The following NRG3 variants were observed in gnomAD, a reference collection of about 807,000 sequenced individuals.
NRG3 encodes the protein pro-neuregulin-3, membrane-bound isoform.
In NRG3, 31 loss-of-function variants were observed where a neutral mutation model predicts 66.9. The observed-to-expected ratio is 0.46, with a 90% confidence interval of 0.35 to 0.63. NRG3 has a LOEUF of 0.63. Ranked by LOEUF, NRG3 falls within the 20% of genes least tolerant of loss-of-function variation. The pLI is 0.00. For missense variants in NRG3, 910 were observed against 878.9 expected (o/e 1.04, Z -0.45); for synonymous variants, 393 against 359.4 (o/e 1.09, Z -1.06).
At chr10:82,006,696 C>T (rs1443402982) in intron 1 of NRG3, among the ~76,000 whole-genome samples, 2 of 151,922 alleles carry the variant, frequency 1.3e-5, no homozygotes, top group African/African-American at 4.8e-5. Context: ...ATTGGATAGT[C>T]TATCTTTTGC....
At chr10:82,397,376 G>GTA (rs1221194922) in intron 2 of NRG3, among the ~76,000 whole-genome samples, 11 of 152,134 alleles carry the variant, frequency 7.2e-5, no homozygotes, top group Non-Finnish European at 1.6e-4. Flanking sequence ...AATACAAAAT[G>GTA]TATACATTGA....
chr10:82,832,874 A>C (rs1032215511), intron 3 of NRG3, among the ~76,000 whole-genome samples: 1 of 152,054 alleles, frequency 6.6e-6, no homozygotes, highest in Non-Finnish European at 1.5e-5. Flanking sequence ...ATGGATACAA[A>C]GAGATCACAT....
intron 5 of NRG3, among the ~76,000 whole-genome samples, chr10:82,956,225 A>G (rs1850036276): frequency 6.6e-6 from 1 of 151,990 alleles, no homozygotes; most frequent in Admixed American, 6.5e-5. Context: ...GGACCAGAGA[A>G]ATTTAAAACT....
chr10:82,240,830 A>G (rs1227569581), intron 1 of NRG3, among the ~76,000 whole-genome samples: 1 of 151,992 alleles, frequency 6.6e-6, no homozygotes, highest in Non-Finnish European at 1.5e-5. Context: ...CTTCTCCCTC[A>G]TTTGCTCAGT....
At chr10:82,906,904 G>A (rs1295457930) in intron 4 of NRG3, among the ~76,000 whole-genome samples, 1 of 152,086 alleles carries the variant, frequency 6.6e-6, no homozygotes, top group Non-Finnish European at 1.5e-5. Flanking sequence ...AAGGCATGAT[G>A]GTGATTATAC....
At chr10:82,293,020 C>G (rs762406737) in intron 1 of NRG3, among the ~76,000 whole-genome samples, 3 of 152,090 alleles carry the variant, frequency 2.0e-5, no homozygotes, top group African/African-American at 7.2e-5. Flanking sequence ...TTATTTCTTG[C>G]GGCTGCATGT....
intron 4 of NRG3, among the ~76,000 whole-genome samples, chr10:82,925,476 T>C (rs1316409839): frequency 6.6e-6 from 1 of 152,248 alleles, no homozygotes; most frequent in Non-Finnish European, 1.5e-5. Flanking sequence ...GTATTTTAAG[T>C]GCTCCATAAA....
At chr10:82,914,029 ATTGATACATCT>A (rs1845594217) in intron 4 of NRG3, among the ~76,000 whole-genome samples, 1 of 151,952 alleles carries the variant, frequency 6.6e-6, no homozygotes, top group African/African-American at 2.4e-5. Context: ...TAGTGTTGCT[ATTGATACATCT>A]TTAAGCATAC....
intron 1 of NRG3, among the ~76,000 whole-genome samples, chr10:82,210,144 A>T (rs562978590): frequency 5.1e-4 from 77 of 152,304 alleles, no homozygotes; most frequent in African/African-American, 1.9e-3. Flanking sequence ...GGCTCTGCAT[A>T]AATGAATTTA....
chr10:82,236,225 C>A (rs535083570), intron 1 of NRG3, among the ~76,000 whole-genome samples: 19 of 152,258 alleles, frequency 1.2e-4, no homozygotes, highest in Admixed American at 1.2e-3. Flanking sequence ...CAGCCACCTT[C>A]CAGTACTGTA....
chr10:82,384,639 A>G (rs1470795714), intron 2 of NRG3, among the ~76,000 whole-genome samples: 1 of 152,130 alleles, frequency 6.6e-6, no homozygotes, highest in African/African-American at 2.4e-5. Flanking sequence ...ATAGTATTCC[A>G]TGGTGTATAT....
chr10:82,253,374 C>G (rs994121668), intron 1 of NRG3, among the ~76,000 whole-genome samples: 1 of 152,238 alleles, frequency 6.6e-6, no homozygotes, highest in East Asian at 1.9e-4. Flanking sequence ...CATTGACAAC[C>G]AAGAAGTTGT....
chr10:81,975,404 G>T (rs758718084), intron 1 of NRG3, among the ~76,000 whole-genome samples: 2 of 151,502 alleles, frequency 1.3e-5, no homozygotes, highest in Non-Finnish European at 2.9e-5. Flanking sequence ...CCATGGTAAT[G>T]CATGACATTT....
Position 82,582,662 on chromosome 10 carries a change from T to TTTTG in NRG3, c.954-155914_954-155913insTTGT, listed in dbSNP as rs372069371. On this transcript the variant is annotated intron_variant, in intron 2 of 8. Coordinates refer to ENST00000372141, the MANE Select transcript of NRG3 (RefSeq NM_001010848.4). ...GAAGAGGGAAAAATATCTATATGTG[T>TTTTG]TGTGTGTGTGTGTGTGTGTGTGTGT... 3.2e-3 allele frequency among the ~76,000 whole-genome samples: 462 copies of TTTTG among 146,476 alleles called. 1 individual carries two copies. The highest frequency in any genetic ancestry group is 5.1e-3 in the Non-Finnish European group (334 of 65,790).
chr10:82,959,297 A>C (rs1315671221), intron 6 of NRG3, among the ~76,000 whole-genome samples: 1 of 152,248 alleles, frequency 6.6e-6, no homozygotes, highest in Non-Finnish European at 1.5e-5. Context: ...ACAATCTGTA[A>C]TATAAACTAA....
rs78616912 is a variant in NRG3, at chr10:82,610,936, A to G, written c.954-127641A>G. Among the ~76,000 whole-genome samples the G allele has an allele frequency of 5.2e-3, 790 of 152,334 alleles. 6 individuals are homozygous for G. Among genetic ancestry groups the G allele is most frequent in the African/African-American group, 0.017 (695 of 41,588 alleles). ...ATCTATATTTTGGAAATAATTAATA[A>G]TATTTGGTAACAACTCAATATTTTT... On this transcript the variant is annotated intron_variant, in intron 2 of 8. Transcript: ENST00000372141.
intron 3 of NRG3, among the ~76,000 whole-genome samples, chr10:82,860,457 G>A (rs1188188571): frequency 6.6e-6 from 1 of 152,156 alleles, no homozygotes; most frequent in African/African-American, 2.4e-5. Flanking sequence ...GTAGCTAAGA[G>A]CCAAGCCGGC....
At chr10:81,955,244 A>C (rs1419540140) in intron 1 of NRG3, among the ~76,000 whole-genome samples, 1 of 151,124 alleles carries the variant, frequency 6.6e-6, no homozygotes, top group Non-Finnish European at 1.5e-5. Flanking sequence ...AATTTGTTCA[A>C]GCAATTGTGG....
chr10:82,591,064 C>T (rs1475914872), intron 2 of NRG3, among the ~76,000 whole-genome samples: 1 of 152,188 alleles, frequency 6.6e-6, no homozygotes, highest in Non-Finnish European at 1.5e-5. Flanking sequence ...CCCTGAGGCA[C>T]ATCAGCTGTC....
Sources: allele counts gnomAD v4.1 joint callset (sites outside exome capture counted in the v4.1 genomes callset), GRCh38; gene constraint gnomAD v4.1.1; transcripts MANE v1.5; gene names NCBI Gene and HGNC (gene_info 2026-07-23, HGNC 2026-07-21).